The following SLC9A3 variants were observed in gnomAD, a reference collection of about 807,000 sequenced individuals.
SLC9A3 encodes solute carrier family 9 member A3, also known as sodium/hydrogen exchanger 3.
SLC9A3 carries 37 observed loss-of-function variants against 86.8 expected under a neutral mutation model. That is an observed-to-expected ratio of 0.43 (90% CI 0.33 to 0.56). The LOEUF is 0.56. Among genes scored for constraint, SLC9A3 ranks in the 20% least tolerant of loss-of-function variants. The pLI is 0.06. For missense variants in SLC9A3, 1,011 were observed against 1,171.9 expected, an observed-to-expected ratio of 0.86 and a Z score of 2.00; for synonymous variants, 581 against 528.3, an observed-to-expected ratio of 1.10 and a Z score of -1.37.
intron 3 of SLC9A3, among the ~76,000 whole-genome samples, chr5:485,719 C>T (rs944618730): frequency 1.3e-5 from 2 of 152,358 alleles, no homozygotes; most frequent in East Asian, 1.9e-4. Context: ...TGAGACCGGC[C>T]GAGGGCCGTC....
At chr5:482,353 G>C (rs537938884) in intron 7 of SLC9A3, among the ~76,000 whole-genome samples, 195 bp downstream of exon 7, 2 of 152,232 alleles carry the variant, frequency 1.3e-5, no homozygotes, top group East Asian at 3.9e-4. Context: ...GCGAAGGCCC[G>C]GGAAGAACAT....
chr5:506,520 G>C (rs1740590643), intron 1 of SLC9A3, among the ~76,000 whole-genome samples: 1 of 152,194 alleles, frequency 6.6e-6, no homozygotes, highest in Non-Finnish European at 1.5e-5. Context: ...CACCACTCCA[G>C]AGCTGGGACA....
Position 485,172 on chromosome 5 carries a change from C to T in SLC9A3, c.735G>A (p.Val245=), listed in dbSNP as rs1325036497. The part of the protein sequence containing the change: ...VALGGDNVTG[V]DCVKGIVSFF... ...ACACACCTATGCCCTTCACGCAGTCCACGCCAGTCACGTTGTCACCTCCCA... is the reference window on the plus strand; with the variant it reads ...ACACACCTATGCCCTTCACGCAGTCTACGCCAGTCACGTTGTCACCTCCCA... Residue 245 remains valine, a synonymous_variant, in exon 4 of 17, where the codon GTG becomes GTA. Transcript: ENST00000264938. The T allele has an allele frequency of 6.2e-7, 1 of 1,613,828 alleles. No homozygotes were observed. The highest frequency in any genetic ancestry group is 8.5e-7 in the Non-Finnish European group (1 of 1,179,874).
chr5:502,307 C>G (rs573095802), intron 1 of SLC9A3, among the ~76,000 whole-genome samples: 28 of 152,318 alleles, frequency 1.8e-4, no homozygotes, highest in Admixed American at 7.8e-4. Context: ...CGGCCCAGGC[C>G]CCCTTATTAG....
intron 4 of SLC9A3, 80 bp downstream of exon 4, chr5:485,073 G>T: frequency 9.3e-7 from 1 of 1,081,072 alleles, no homozygotes; most frequent in Non-Finnish European, 1.4e-6. Flanking sequence ...GCTTTTTCCT[G>T]CATGGGCTGC....
At chr5:475,167 A>G (rs1738638827) in intron 15 of SLC9A3, 35 bp from the exon 16 acceptor site, 2 of 1,539,336 alleles carry the variant, frequency 1.3e-6, no homozygotes, top group East Asian at 2.3e-5. Context: ...CAGCCTTCGG[A>G]GAGCCCCACG....
intron 1 of SLC9A3, 64 bp from the exon 2 acceptor site, chr5:492,135 G>A (rs1322605623): frequency 7.4e-6 from 5 of 676,862 alleles, no homozygotes; most frequent in South Asian, 6.2e-5. Flanking sequence ...TCAGGGCCGG[G>A]CTGTGAGGGA....
chr5:513,071 A>G (rs550338947), intron 1 of SLC9A3, among the ~76,000 whole-genome samples: 2 of 152,244 alleles, frequency 1.3e-5, no homozygotes, highest in East Asian at 1.9e-4. Context: ...CTGCAGCGAT[A>G]CTGAGACTTA....
At chr5:473,453 C>G in intron 16 of SLC9A3, 71 bp from the exon 17 acceptor site, 1 of 1,255,282 alleles carries the variant, frequency 8.0e-7, no homozygotes, top group Non-Finnish European at 1.0e-6. Context: ...CCCCGGGGGC[C>G]TCAGCTGTCC....
intron 9 of SLC9A3, chr5:480,885 T>C (rs1739121972): frequency 6.6e-6 from 1 of 152,338 alleles, no homozygotes; most frequent in Non-Finnish European, 1.5e-5. Context: ...TTCACCTTAA[T>C]GGACAAACTC....
chr5:507,077 A>AAAATAAATAAAT (rs78074475), intron 1 of SLC9A3, among the ~76,000 whole-genome samples: 37 of 126,696 alleles, frequency 2.9e-4, no homozygotes, highest in Non-Finnish European at 4.3e-4. Flanking sequence ...ACTGTCTCAA[A>AAAATAAATAAAT]AAATAAATAA....
chr5:483,956 A>C (rs1023274229), intron 5 of SLC9A3, among the ~76,000 whole-genome samples: 2 of 152,240 alleles, frequency 1.3e-5, no homozygotes, highest in Non-Finnish European at 2.9e-5. Context: ...GAGGCCCTCC[A>C]CTTCCTGTAC....
At chr5:512,222 A>T (rs769428775) in intron 1 of SLC9A3, among the ~76,000 whole-genome samples, 1 of 152,246 alleles carries the variant, frequency 6.6e-6, no homozygotes, top group African/African-American at 2.4e-5. Context: ...ACAGAAGTGT[A>T]ACACCAAGAA....
chr5:500,388 AG>A (rs900358157), intron 1 of SLC9A3, among the ~76,000 whole-genome samples: 2 of 152,176 alleles, frequency 1.3e-5, no homozygotes, highest in African/African-American at 4.8e-5. Context: ...CGAGAATGGA[AG>A]GGGGGGTGGC....
Position 524,299 on chromosome 5 carries a change from G to T in SLC9A3, c.24C>A (p.Gly8=), listed in dbSNP as rs1404687857. 3.9e-6 allele frequency: 5 copies of T among 1,286,436 alleles called. No homozygotes were observed. Among genetic ancestry groups the T allele is most frequent in the African/African-American group, 1.6e-5 (1 of 63,108 alleles). 79.7% of individuals were successfully genotyped at this position (1,286,436 alleles called of 1,614,324 possible). Residue 8 remains glycine, a synonymous_variant, in exon 1 of 17, where the codon GGC becomes GGA. Transcript: ENST00000264938. ...GCGCCAGCAGCAGCCCCCGGTCGGG[G>T]CCCCGGGCCCCGAGTCCCCACATTG... The part of the protein sequence containing the change: MWGLGAR[G]PDRGLLLALA...
Position 476,589 on chromosome 5 carries a change from A to G in SLC9A3, c.1844T>C (p.Val615Ala). The change falls in exon 12 of 17, where the codon GTC (valine) becomes GCC (alanine). Residue 615 changes from valine (V) to alanine (A), a missense_variant. By Grantham distance (64) the Val-to-Ala change is moderately conservative (BLOSUM62 0). Coordinates refer to ENST00000264938, the MANE Select transcript of SLC9A3 (RefSeq NM_004174.4). ...GTACTGCTGTAGCGTGTGGTGCGTG[A>G]CCATGTCCTCCGCGTCCCGGATGCT... ...RRSIRDAEDM[V>A]THHTLQQYLY... 6.2e-7 allele frequency: 1 copy of G among 1,611,360 alleles called. No homozygotes were observed.
chr5:506,063 C>T (rs1273426952), intron 1 of SLC9A3, among the ~76,000 whole-genome samples: 11 of 152,086 alleles, frequency 7.2e-5, no homozygotes, highest in Admixed American at 1.3e-4. Context: ...CTGTGCTCTC[C>T]GGGAATTCTT....
In SLC9A3 at chr5:516,920, A is replaced by C. The variant is rs1040196941; in HGVS notation, c.211+7192T>G. 2.6e-5 allele frequency among the ~76,000 whole-genome samples: 4 copies of C among 152,224 alleles called. No homozygotes were observed. The South Asian group carries it at 8.3e-4, about 31-fold the overall frequency. On this transcript the variant is annotated intron_variant, in intron 1 of 16. Coordinates refer to ENST00000264938, the MANE Select transcript of SLC9A3 (RefSeq NM_004174.4). ...AATAATTCAGCCGAGGAGCTGAGAC[A>C]GCCTCTTCCTGGGCCCAGTGTCCAG...
At chr5:482,246 C>T (rs961072738) in intron 7 of SLC9A3, 89 bp from the exon 8 acceptor site, 28 of 1,032,376 alleles carry the variant, frequency 2.7e-5, no homozygotes, top group Non-Finnish European at 3.8e-5. Flanking sequence ...GCCACCTGCC[C>T]CGGGGCCCAC....
Sources: gnomAD v4.1 joint callset for allele counts (sites outside exome capture counted in the v4.1 genomes callset) on GRCh38, gnomAD v4.1.1 for gene constraint, MANE v1.5 for transcripts, NCBI Gene and HGNC (gene_info 2026-07-23, HGNC 2026-07-21) for gene names.